The following GRIA4 variants were observed in gnomAD, a reference collection of about 807,000 sequenced individuals.
GRIA4 encodes the protein glutamate ionotropic receptor AMPA type subunit 4, also known as glutamate receptor 4.
Under a neutral mutation model 104.0 loss-of-function variants are expected in GRIA4, and 34 were observed. That is an observed-to-expected ratio of 0.33 (90% CI 0.25 to 0.44). GRIA4 has a LOEUF of 0.44. GRIA4 is among the 20% of genes least tolerant of loss of function. The probability of loss-of-function intolerance (pLI) is 1.00; values close to 1 mark genes in which losing one functional copy is unlikely to be tolerated. For synonymous variants in GRIA4, 386 were observed against 381.9 expected (o/e 1.01, Z -0.13); for missense variants, 750 against 1,096.5 (o/e 0.68, Z 4.46).
At chr11:105,835,425 G>A (rs1944140841) in intron 4 of GRIA4, among the ~76,000 whole-genome samples, 1 of 152,072 alleles carries the variant, frequency 6.6e-6, no homozygotes, top group African/African-American at 2.4e-5. Flanking sequence ...CCATACCATG[G>A]TTTTCTTTCT....
At chr11:105,763,003 G>A (rs1465290543) in intron 4 of GRIA4, among the ~76,000 whole-genome samples, 1 of 152,196 alleles carries the variant, frequency 6.6e-6, no homozygotes, top group Non-Finnish European at 1.5e-5. Flanking sequence ...GAATCATATT[G>A]AGGAGTCATG....
chr11:105,843,804 A>G (rs1944478058), intron 4 of GRIA4, among the ~76,000 whole-genome samples: 1 of 152,222 alleles, frequency 6.6e-6, no homozygotes, highest in Non-Finnish European at 1.5e-5. Context: ...GAAAAATGAT[A>G]CAAGAGATTC....
chr11:105,935,670 C>A (rs1352653998), intron 14 of GRIA4, among the ~76,000 whole-genome samples: 1 of 152,098 alleles, frequency 6.6e-6, no homozygotes, highest in African/African-American at 2.4e-5. Flanking sequence ...CTCTCTTGCA[C>A]TTAATTAATT....
In GRIA4 at chr11:105,903,953, G is replaced by C. The variant is rs774309501; in HGVS notation, c.1025G>C (p.Gly342Ala). Reference sequence around the variant, plus strand: ...AATCCTGCTGCTCCATGGGGCCAGGGAATTGACATGGAGAGGACACTCAAA... The same window carrying C: ...AATCCTGCTGCTCCATGGGGCCAGGCAATTGACATGGAGAGGACACTCAAA... ...LANPAAPWGQ[G>A]IDMERTLKQV... The change falls in exon 8 of 17, where the codon GGA becomes GCA. Residue 342 changes from glycine (G) to alanine (A), a missense_variant. Physicochemically the swap from Gly to Ala is moderately conservative, Grantham distance 60. Around this residue, in one of 3 missense-constraint regions of GRIA4, gnomAD observed 410 missense variants for 502.7 expected, o/e 0.82. Transcript: ENST00000282499. The C allele has an allele frequency of 5.0e-6, 8 of 1,612,636 alleles. No homozygotes were observed. The highest frequency in any genetic ancestry group is 6.8e-6 in the Non-Finnish European group (8 of 1,179,054).
chr11:105,954,726 A>G (rs1188820748), intron 14 of GRIA4, among the ~76,000 whole-genome samples: 2 of 151,978 alleles, frequency 1.3e-5, no homozygotes, highest in South Asian at 2.1e-4. Context: ...TATCAACACT[A>G]TAACGCCAGA....
intron 4 of GRIA4, among the ~76,000 whole-genome samples, chr11:105,830,672 C>G (rs1187125118): frequency 6.6e-6 from 1 of 151,964 alleles, no homozygotes; most frequent in Non-Finnish European, 1.5e-5. Flanking sequence ...GGATTCTATT[C>G]CTCACTTGCA....
At chr11:105,685,329 C>T (rs1055649939) in intron 3 of GRIA4, among the ~76,000 whole-genome samples, 1 of 152,172 alleles carries the variant, frequency 6.6e-6, no homozygotes, top group African/African-American at 2.4e-5. Flanking sequence ...CCAGCCCGAG[C>T]TCTAATTTTC....
At chr11:105,833,746 T>C (rs1944070900) in intron 4 of GRIA4, among the ~76,000 whole-genome samples, 2 of 152,132 alleles carry the variant, frequency 1.3e-5, no homozygotes, top group East Asian at 3.9e-4. Flanking sequence ...TTTTTTAAAG[T>C]GCAGATTGGC....
chr11:105,959,083 G>A (rs1222093352), intron 14 of GRIA4, among the ~76,000 whole-genome samples: 4 of 152,122 alleles, frequency 2.6e-5, no homozygotes, highest in Non-Finnish European at 5.9e-5. Context: ...TGATGATTAT[G>A]TGTCTTGGGG....
At chr11:105,770,097 A>G (rs1164859188) in intron 4 of GRIA4, among the ~76,000 whole-genome samples, 2 of 152,094 alleles carry the variant, frequency 1.3e-5, no homozygotes, top group African/African-American at 4.8e-5. Context: ...TAAGTGATAC[A>G]TACATAGAAT....
chr11:105,789,324 A>G (rs1327967719), intron 4 of GRIA4, among the ~76,000 whole-genome samples: 1 of 152,174 alleles, frequency 6.6e-6, no homozygotes, highest in Non-Finnish European at 1.5e-5. Flanking sequence ...AGTCTCATCA[A>G]TGGTTACAGG....
intron 3 of GRIA4, among the ~76,000 whole-genome samples, chr11:105,713,104 C>T (rs943053253): frequency 2.6e-5 from 4 of 151,970 alleles, no homozygotes; most frequent in Admixed American, 2.0e-4. Context: ...GAATACAGGC[C>T]AGGCACAGTG....
At chr11:105,782,283 C>T (rs1941763104) in intron 4 of GRIA4, among the ~76,000 whole-genome samples, 1 of 152,118 alleles carries the variant, frequency 6.6e-6, no homozygotes, top group African/African-American at 2.4e-5. Context: ...TAATGTGCAA[C>T]CTATCGAGAT....
At chr11:105,645,044 T>C (rs564714779) in intron 3 of GRIA4, among the ~76,000 whole-genome samples, 148 of 152,188 alleles carry the variant, frequency 9.7e-4, no homozygotes, top group Middle Eastern at 3.4e-3. Context: ...AGCCAGACAA[T>C]TGCAGGTGCC....
intron 3 of GRIA4, among the ~76,000 whole-genome samples, chr11:105,727,451 T>G (rs1387610858): frequency 6.6e-6 from 1 of 152,160 alleles, no homozygotes; most frequent in East Asian, 1.9e-4. Flanking sequence ...TGGAAAACAC[T>G]GTTCAGAATA....
chr11:105,774,695 A>G (rs1426562750), intron 4 of GRIA4, among the ~76,000 whole-genome samples: 1 of 152,196 alleles, frequency 6.6e-6, no homozygotes, highest in Admixed American at 6.6e-5. Context: ...TCAATAAAAG[A>G]GAATAAAGAA....
At chr11:105,948,238 A>C (rs1049788488) in intron 14 of GRIA4, among the ~76,000 whole-genome samples, 1 of 152,224 alleles carries the variant, frequency 6.6e-6, no homozygotes, top group Admixed American at 6.5e-5. Context: ...AGATCAATTA[A>C]AACACATTTT....
At chr11:105,798,714 A>G (rs1942595569) in intron 4 of GRIA4, among the ~76,000 whole-genome samples, 1 of 152,128 alleles carries the variant, frequency 6.6e-6, no homozygotes, top group Non-Finnish European at 1.5e-5. Context: ...TTGAAGGTAC[A>G]GACAACAGGA....
chr11:105,903,005 T>C (rs1389871129), intron 7 of GRIA4, among the ~76,000 whole-genome samples: 1 of 152,196 alleles, frequency 6.6e-6, no homozygotes, highest in Non-Finnish European at 1.5e-5. Flanking sequence ...TACATTTTTA[T>C]CTCAATCTTT....
Sources: allele counts gnomAD v4.1 joint callset (sites outside exome capture counted in the v4.1 genomes callset), GRCh38; gene constraint gnomAD v4.1.1; regional missense constraint gnomAD v4.1.1; transcripts MANE v1.5; gene names NCBI Gene and HGNC (gene_info 2026-07-23, HGNC 2026-07-21).